Variants in SLC25A26 observed in about 807,000 individuals in gnomAD.
The protein encoded by SLC25A26 is solute carrier family 25 member 26.
Under a neutral mutation model 37.8 loss-of-function variants are expected in SLC25A26, and 36 were observed. The observed-to-expected ratio is 0.95, with a 90% confidence interval of 0.73 to 1.26. The LOEUF (loss-of-function observed/expected upper bound fraction) is 1.26, where lower values mean the gene tolerates loss of function less well. Among genes scored for constraint, SLC25A26 ranks in the 50% most tolerant of loss-of-function variants. The pLI is 0.00. For missense variants in SLC25A26, 390 were observed against 331.1 expected (o/e 1.18, Z -1.38); for synonymous variants, 129 against 122.5 (o/e 1.05, Z -0.35).
At chr3:66,340,894 A>AG (rs1195094299) in intron 5 of SLC25A26, among the ~76,000 whole-genome samples, 1 of 151,800 alleles carries the variant, frequency 6.6e-6, no homozygotes, top group Non-Finnish European at 1.5e-5. Context: ...TTGTAAAAAA[A>AG]AAGTCGTTTT....
chr3:66,160,587 T>A (rs2070343937), intron 1 of SLC25A26, among the ~76,000 whole-genome samples: 1 of 152,246 alleles, frequency 6.6e-6, no homozygotes, highest in African/African-American at 2.4e-5. Context: ...CACAATAATG[T>A]GTGACAAAAC....
In SLC25A26 at chr3:66,374,572, C is replaced by T. The variant is rs568679141; in HGVS notation, c.708-3118C>T. On this transcript the variant is annotated intron_variant, in intron 9 of 9. Transcript: ENST00000354883. ...TAAGTGTTGAAGTGAAAGGAAGAATCACACCTTTCTCATTTTAAATAAAAA... is the reference window on the plus strand; with the variant it reads ...TAAGTGTTGAAGTGAAAGGAAGAATTACACCTTTCTCATTTTAAATAAAAA... Among the ~76,000 whole-genome samples, 338 of 152,312 alleles carry T rather than the reference C, an allele frequency of 2.2e-3. 1 individual carries two copies. The highest frequency in any genetic ancestry group is 7.7e-3 in the African/African-American group (320 of 41,562).
intron 5 of SLC25A26, among the ~76,000 whole-genome samples, chr3:66,293,389 A>T (rs1467172045): frequency 2.6e-5 from 4 of 151,776 alleles, no homozygotes; most frequent in African/African-American, 9.7e-5. Context: ...TTAAAATTTA[A>T]ATTTACTTTA....
intron 5 of SLC25A26, among the ~76,000 whole-genome samples, chr3:66,291,554 G>A (rs574218101): frequency 1.3e-5 from 2 of 152,042 alleles, no homozygotes; most frequent in Non-Finnish European, 2.9e-5. Flanking sequence ...CCTTAATTTC[G>A]TTTTGTAACC....
intron 5 of SLC25A26, among the ~76,000 whole-genome samples, chr3:66,272,285 A>G (rs566708663): frequency 3.3e-5 from 5 of 152,272 alleles, no homozygotes; most frequent in African/African-American, 9.6e-5. Flanking sequence ...TCCAGAATCC[A>G]TGAACTTAAC....
At chr3:66,304,317 T>C (rs889985832) in intron 5 of SLC25A26, 1 of 407,286 alleles carries the variant, frequency 2.5e-6, no homozygotes, top group African/African-American at 2.1e-5. Flanking sequence ...CCTCCCACAA[T>C]GCCTCTTGAT....
At chr3:66,276,452 G>A (rs2074150591) in intron 5 of SLC25A26, among the ~76,000 whole-genome samples, 1 of 152,088 alleles carries the variant, frequency 6.6e-6, no homozygotes, top group African/African-American at 2.4e-5. Flanking sequence ...CTTGACCTGA[G>A]TGAGAGTGGA....
chr3:66,153,981 C>A (rs568675217), intron 1 of SLC25A26, among the ~76,000 whole-genome samples: 2 of 152,134 alleles, frequency 1.3e-5, no homozygotes, highest in African/African-American at 4.8e-5. Flanking sequence ...AATAAGATTC[C>A]GTCAGGAGTG....
intron 1 of SLC25A26, among the ~76,000 whole-genome samples, chr3:66,187,001 C>T (rs1261580930): frequency 6.6e-6 from 1 of 151,988 alleles, no homozygotes; most frequent in Non-Finnish European, 1.5e-5. Flanking sequence ...ACATCTTGAC[C>T]TGATTCTGAC....
At chr3:66,319,880 A>C (rs1446772453) in intron 5 of SLC25A26, among the ~76,000 whole-genome samples, 1 of 148,206 alleles carries the variant, frequency 6.7e-6, no homozygotes, top group East Asian at 2.0e-4. Context: ...CAGCCTCCTG[A>C]GTAGCTGGGA....
intron 1 of SLC25A26, among the ~76,000 whole-genome samples, chr3:66,189,513 A>G (rs2070895439): frequency 1.3e-5 from 2 of 152,164 alleles, no homozygotes; most frequent in Non-Finnish European, 2.9e-5. Context: ...GACTCTAATA[A>G]TGACCTAACC....
At chr3:66,282,438 G>A (rs2074378807) in intron 5 of SLC25A26, among the ~76,000 whole-genome samples, 1 of 150,934 alleles carries the variant, frequency 6.6e-6, no homozygotes, top group Non-Finnish European at 1.5e-5. Context: ...GAGCCACTGT[G>A]CCAGGCCCCC....
At chr3:66,208,035 G>A (rs971317536) in intron 1 of SLC25A26, among the ~76,000 whole-genome samples, 4 of 152,098 alleles carry the variant, frequency 2.6e-5, no homozygotes, top group South Asian at 2.1e-4. Flanking sequence ...TATATTGCAT[G>A]GAAAAAGACT....
intron 1 of SLC25A26, among the ~76,000 whole-genome samples, chr3:66,210,315 T>C (rs975842166): frequency 1.3e-5 from 2 of 151,918 alleles, no homozygotes; most frequent in Non-Finnish European, 2.9e-5. Flanking sequence ...AAAAATATGA[T>C]GCTATGGGAC....
chr3:66,326,683 G>A (rs1259692913), intron 5 of SLC25A26, among the ~76,000 whole-genome samples: 1 of 152,158 alleles, frequency 6.6e-6, no homozygotes, highest in African/African-American at 2.4e-5. Flanking sequence ...GTGCACGCAC[G>A]CCTCTTGCTT....
chr3:66,360,003 A>G (rs2076662209), intron 6 of SLC25A26, among the ~76,000 whole-genome samples: 1 of 152,218 alleles, frequency 6.6e-6, no homozygotes, highest in African/African-American at 2.4e-5. Flanking sequence ...TTGGTCCTCA[A>G]ACCACACGCT....
chr3:66,345,164 G>A lies in SLC25A26; in HGVS notation c.454-1200G>A, dbSNP rs570151381. Among the ~76,000 whole-genome samples, 6 of 152,144 alleles carry A rather than the reference G, an allele frequency of 3.9e-5. No individual in the cohort carries two copies. The South Asian group carries it at 6.2e-4, about 16-fold the overall frequency. ...TTGACCACTCATACTTCATTACTAC[G>A]CATGACTCTCCTCCCTAGCTGTGCC... On this transcript the variant is annotated intron_variant, in intron 5 of 9. Coordinates refer to ENST00000354883, the MANE Select transcript of SLC25A26 (RefSeq NM_001379210.1).
upstream of SLC25A26, among the ~76,000 whole-genome samples, chr3:66,219,689 A>G (rs1424792576): frequency 6.6e-6 from 1 of 152,220 alleles, no homozygotes; most frequent in Non-Finnish European, 1.5e-5. Flanking sequence ...TGAGAGGTGT[A>G]TACCATGCTA....
chr3:66,157,171 C>T (rs1200232741), intron 1 of SLC25A26, among the ~76,000 whole-genome samples: 1 of 152,124 alleles, frequency 6.6e-6, no homozygotes, highest in Non-Finnish European at 1.5e-5. Context: ...GAGGTCGAGG[C>T]TTCAGTGAGC....
Sources: allele counts gnomAD v4.1 joint callset (sites outside exome capture counted in the v4.1 genomes callset), GRCh38; gene constraint gnomAD v4.1.1; transcripts MANE v1.5; gene names NCBI Gene and HGNC (gene_info 2026-07-23, HGNC 2026-07-21).